Variants in DIS3L2 observed in about 807,000 individuals in gnomAD.
DIS3L2 encodes DIS3 like 3'-5' exoribonuclease 2.
Under a neutral mutation model 97.5 loss-of-function variants are expected in DIS3L2, and 34 were observed. The ratio of observed to expected loss-of-function variants is 0.35; its 90% CI spans 0.27 to 0.46. The LOEUF is 0.46. Ranked by LOEUF, DIS3L2 falls within the 20% of genes least tolerant of loss-of-function variation. DIS3L2 has a pLI of 1.00. For synonymous variants in DIS3L2, 435 were observed against 445.2 expected (o/e 0.98, Z 0.29); for missense variants, 1,038 against 1,146.0 (o/e 0.91, Z 1.36).
intron 13 of DIS3L2, among the ~76,000 whole-genome samples, chr2:232,285,578 T>C (rs560860068): frequency 1.3e-5 from 2 of 152,298 alleles, no homozygotes; most frequent in East Asian, 3.9e-4. Context: ...AGTGTCCCTG[T>C]TTGTGGGAGA....
chr2:232,225,097 T>A (rs1266173174), intron 10 of DIS3L2, among the ~76,000 whole-genome samples: 1 of 152,184 alleles, frequency 6.6e-6, no homozygotes, highest in African/African-American at 2.4e-5. Context: ...AAGCTGACAA[T>A]GTTAGGGAGG....
intron 9 of DIS3L2, among the ~76,000 whole-genome samples, chr2:232,174,034 A>T (rs1691076136): frequency 6.6e-6 from 1 of 152,180 alleles, no homozygotes; most frequent in South Asian, 2.1e-4. Flanking sequence ...GAGCATTTCC[A>T]TCTTAACACT....
intron 8 of DIS3L2, among the ~76,000 whole-genome samples, chr2:232,144,935 C>T (rs1690178204): frequency 6.6e-6 from 1 of 152,178 alleles, no homozygotes; most frequent in Admixed American, 6.5e-5. Flanking sequence ...TTATCGGGGG[C>T]ACATAATGTC....
chr2:232,087,667 C>T lies in DIS3L2; in HGVS notation c.547C>T (p.Gln183Ter). 6.2e-7 allele frequency: 1 copy of T among 1,614,152 alleles called. No homozygotes were observed. Among genetic ancestry groups the T allele is most frequent in the Non-Finnish European group, 8.5e-7 (1 of 1,180,030 alleles). The change falls in exon 6 of 21, where the codon CAA becomes TAA. Residue 183 changes from glutamine to a stop codon, truncating the protein, a stop_gained. Coordinates refer to ENST00000325385, the MANE Select transcript of DIS3L2 (RefSeq NM_152383.5). LOFTEE classifies it high-confidence loss of function. ...SDSEDGHGIT[Q>*]NVLVDGVKKL... ...CTCAGAAGATGGACATGGCATCACA[C>T]AAAATGTGCTGGTTGATGGTGTTAA... is the stretch of plus-strand genomic sequence containing the variant.
At chr2:232,005,250 AGGCTTAAATCTCATTTGAAATCTCCTGTT>A (rs1012589446) in intron 1 of DIS3L2, among the ~76,000 whole-genome samples, 2 of 139,830 alleles carry the variant, frequency 1.4e-5, no homozygotes, top group African/African-American at 5.3e-5. Context: ...TGTCTCCTGT[AGGCTTAAATCTCATTTGAAATCTCCTGTT>A]GGCTTAAATC....
intron 6 of DIS3L2, among the ~76,000 whole-genome samples, chr2:232,094,547 G>T: frequency 6.6e-6 from 1 of 151,718 alleles, no homozygotes; most frequent in Non-Finnish European, 1.5e-5. Context: ...GCAAAACCAC[G>T]TCTCTTCTAA....
At chr2:232,079,851 A>G (rs1349898122) in intron 5 of DIS3L2, among the ~76,000 whole-genome samples, 1 of 152,188 alleles carries the variant, frequency 6.6e-6, no homozygotes, top group Non-Finnish European at 1.5e-5. Context: ...TATTCTAGGA[A>G]CAGCAAGAAA....
intron 16 of DIS3L2, 110 bp downstream of exon 16, chr2:232,330,886 A>G (rs1425322257): frequency 3.2e-5 from 37 of 1,140,466 alleles, no homozygotes; most frequent in Non-Finnish European, 4.0e-5. Flanking sequence ...TGCTCTGGAC[A>G]TGGCTGGGTG....
At chr2:232,213,367 C>A (rs761733173) in intron 10 of DIS3L2, among the ~76,000 whole-genome samples, 8 of 152,076 alleles carry the variant, frequency 5.3e-5, no homozygotes, top group Non-Finnish European at 8.8e-5. Flanking sequence ...GGCAGAGCAG[C>A]AGGAAAAGGA....
chr2:232,005,586 TG>T (rs1694031271), intron 1 of DIS3L2, among the ~76,000 whole-genome samples: 1 of 152,168 alleles, frequency 6.6e-6, no homozygotes, highest in South Asian at 2.1e-4. Context: ...TAAAAACTCA[TG>T]AAATTCCCCC....
At chr2:232,241,100 C>T (rs959475133) in intron 11 of DIS3L2, among the ~76,000 whole-genome samples, 1 of 152,218 alleles carries the variant, frequency 6.6e-6, no homozygotes, top group African/African-American at 2.4e-5. Context: ...CGGCCCGCAA[C>T]CTTGGACAGC....
At chr2:232,029,348 A>T (rs886202654) in intron 4 of DIS3L2, among the ~76,000 whole-genome samples, 3 of 152,196 alleles carry the variant, frequency 2.0e-5, no homozygotes, top group Non-Finnish European at 4.4e-5. Context: ...TTTATTTAAA[A>T]TTACAAAGTA....
intron 9 of DIS3L2, among the ~76,000 whole-genome samples, chr2:232,202,329 C>T (rs916346211): frequency 3.3e-5 from 5 of 152,024 alleles, no homozygotes. Context: ...ACCTGGGAGG[C>T]GGAGGTTGCA....
chr2:232,010,473 T>TA (rs1694167064), intron 1 of DIS3L2, among the ~76,000 whole-genome samples: 1 of 152,250 alleles, frequency 6.6e-6, no homozygotes, highest in Non-Finnish European at 1.5e-5. Flanking sequence ...ATTTGTAATA[T>TA]AAATGGTTTA....
intron 13 of DIS3L2, among the ~76,000 whole-genome samples, chr2:232,277,043 A>T (rs1285799418): frequency 6.6e-6 from 1 of 152,172 alleles, no homozygotes; most frequent in African/African-American, 2.4e-5. Flanking sequence ...CTCCTTTATG[A>T]TACTTCCAGT....
intron 14 of DIS3L2, among the ~76,000 whole-genome samples, chr2:232,321,301 C>T (rs558786113): frequency 3.1e-4 from 47 of 152,332 alleles, no homozygotes; most frequent in African/African-American, 8.9e-4. Context: ...CCTGAGCTTT[C>T]TCTGACTGTA....
intron 9 of DIS3L2, among the ~76,000 whole-genome samples, chr2:232,183,093 A>AAGCATAACCCT (rs1691337304): frequency 6.6e-6 from 1 of 152,198 alleles, no homozygotes; most frequent in Non-Finnish European, 1.5e-5. Context: ...CATGAGAAAG[A>AAGCATAACCCT]AACCTCACCC....
intron 8 of DIS3L2, among the ~76,000 whole-genome samples, chr2:232,160,396 C>G (rs1260955330): frequency 6.6e-6 from 1 of 151,970 alleles, no homozygotes; most frequent in Non-Finnish European, 1.5e-5. Flanking sequence ...AGGAATTTGC[C>G]CATTTCATCC....
chr2:232,109,271 C>A (rs1697451543), intron 6 of DIS3L2, among the ~76,000 whole-genome samples: 1 of 151,976 alleles, frequency 6.6e-6, no homozygotes, highest in African/African-American at 2.4e-5. Flanking sequence ...CATGGTGAAA[C>A]CCCATCTGTA....
Sources: allele counts gnomAD v4.1 joint callset (sites outside exome capture counted in the v4.1 genomes callset), GRCh38; gene constraint gnomAD v4.1.1; transcripts MANE v1.5; gene names NCBI Gene and HGNC (gene_info 2026-07-23, HGNC 2026-07-21).